CRTC1: variants seen among roughly 807,000 people sequenced by gnomAD.
CRTC1 encodes the protein CREB-regulated transcription coactivator 1.
CRTC1 carries 18 observed loss-of-function variants against 66.1 expected under a neutral mutation model. The observed-to-expected ratio is 0.27, with a 90% CI of 0.19 to 0.40. The LOEUF (loss-of-function observed/expected upper bound fraction) is 0.40, where lower values mean the gene tolerates loss of function less well. Among genes scored for constraint, CRTC1 ranks in the 10% least tolerant of loss-of-function variants. The probability of loss-of-function intolerance (pLI) is 1.00; values close to 1 mark genes in which losing one functional copy is unlikely to be tolerated. For missense variants in CRTC1, 669 were observed against 887.9 expected (o/e 0.75, Z 3.13); for synonymous variants, 416 against 398.8 (o/e 1.04, Z -0.51).
chr19:18,720,492 G>T (rs1211332321), intron 1 of CRTC1, among the ~76,000 whole-genome samples: 1 of 150,318 alleles, frequency 6.7e-6, no homozygotes, highest in African/African-American at 2.5e-5. Flanking sequence ...TGGGACTACA[G>T]TCGCCTGCCA....
At chr19:18,717,483 G>C (rs1200749143) in intron 1 of CRTC1, among the ~76,000 whole-genome samples, 2 of 151,978 alleles carry the variant, frequency 1.3e-5, no homozygotes, top group African/African-American at 4.8e-5. Context: ...CTCTGGAGCT[G>C]ATCACCCCAA....
chr19:18,764,695 A>G (rs1421342736), intron 8 of CRTC1, among the ~76,000 whole-genome samples: 1 of 152,214 alleles, frequency 6.6e-6, no homozygotes. Flanking sequence ...TCTTTAGTTC[A>G]GACAGCCTGA....
In CRTC1 at chr19:18,777,384, C is replaced by G; in HGVS notation, c.*2C>G. The G allele has an allele frequency of 6.2e-7, 1 of 1,600,818 alleles. No homozygotes were observed. The highest frequency in any genetic ancestry group is 8.5e-7 in the Non-Finnish European group (1 of 1,179,478). ...ACCTTCCGGATGGACCGCCTGTGAG[C>G]GGGCACGCCGGCACCCTGCCGCTCA... is the stretch of plus-strand genomic sequence containing the variant. On this transcript the variant is annotated 3_prime_UTR_variant, in exon 14 of 14. Transcript: ENST00000321949. This position sits in a 1 kb window ranked among gnomAD's most constrained non-coding sequence, Gnocchi z 5.5.
At chr19:18,694,439 T>G (rs1039853738) in intron 1 of CRTC1, among the ~76,000 whole-genome samples, 8 of 152,106 alleles carry the variant, frequency 5.3e-5, no homozygotes, top group Non-Finnish European at 1.2e-4. Flanking sequence ...CACAACCATT[T>G]ATTCCTTTTT....
chr19:18,753,012 T>C (rs1352264053), intron 5 of CRTC1, among the ~76,000 whole-genome samples: 11 of 149,674 alleles, frequency 7.3e-5, no homozygotes, highest in Admixed American at 7.3e-4. Context: ...ACACCTGTAA[T>C]CCCAGCACTT....
chr19:18,747,126 G>GAA lies in CRTC1; in HGVS notation c.443+13_443+14insAA. ...ACCAGCTGGAGAAGGTCAGTGGCTG[G>GAA]ACACCCCCCCCCCGCCCCCTTCTTG... On this transcript the variant is annotated intron_variant, in intron 4 of 13. Coordinates refer to ENST00000321949, the MANE Select transcript of CRTC1 (RefSeq NM_015321.3). 6.4e-7 allele frequency: 1 copy of GAA among 1,559,502 alleles called. No homozygotes were observed. The highest frequency in any genetic ancestry group is 8.7e-7 in the Non-Finnish European group (1 of 1,145,696).
intron 1 of CRTC1, among the ~76,000 whole-genome samples, chr19:18,730,655 G>C (rs1208167682): frequency 6.6e-6 from 1 of 151,978 alleles, no homozygotes; most frequent in South Asian, 2.1e-4. Context: ...CCTGCTGCCC[G>C]ACCCGCTGCC....
intron 6 of CRTC1, among the ~76,000 whole-genome samples, chr19:18,754,908 C>T (rs1478491298): frequency 6.6e-6 from 1 of 151,154 alleles, no homozygotes; most frequent in Non-Finnish European, 1.5e-5. Context: ...GCTGTCAGCC[C>T]TTTATATCCA....
chr19:18,706,788 T>C (rs764137069), intron 1 of CRTC1, among the ~76,000 whole-genome samples: 139 of 152,320 alleles, frequency 9.1e-4, no homozygotes, highest in Non-Finnish European at 1.6e-3. Context: ...TTATTGGCCA[T>C]TTGTCTTTGG....
chr19:18,747,033 G>A lies in CRTC1; in HGVS notation c.382-20G>A, dbSNP rs751727200. ...AGGCGGGGTCTCAGCCAGTGGCACT[G>A]CCCCCTTAACTCACCTCACGCCGAC... On this transcript the variant is annotated intron_variant, in intron 3 of 13. Coordinates refer to ENST00000321949, the MANE Select transcript of CRTC1 (RefSeq NM_015321.3). The A allele has an allele frequency of 6.8e-6, 11 of 1,610,682 alleles. No homozygotes were observed. In the Admixed American group the frequency reaches 1.7e-4, roughly 24 times the overall value.
In CRTC1 at chr19:18,735,037, G is replaced by A. The variant is rs533219782; in HGVS notation, c.127-7873G>A. 2.6e-5 allele frequency among the ~76,000 whole-genome samples: 4 copies of A among 152,316 alleles called. No homozygotes were observed. The South Asian group carries it at 6.2e-4, about 24-fold the overall frequency. On this transcript the variant is annotated intron_variant, in intron 1 of 13. Coordinates refer to ENST00000321949, the MANE Select transcript of CRTC1 (RefSeq NM_015321.3). ...GGCAGAAAATCCTCCCCCACAACAC[G>A]CACAGGTGATGGCGACGGGCTTCTG... is the stretch of plus-strand genomic sequence containing the variant.
chr19:18,758,485 A>G (rs1183822263), intron 6 of CRTC1, among the ~76,000 whole-genome samples: 1 of 152,020 alleles, frequency 6.6e-6, no homozygotes, highest in East Asian at 1.9e-4. Flanking sequence ...CACCATGTCC[A>G]TGTCCCGAAA....
At chr19:18,699,703 G>A (rs1039885180) in intron 1 of CRTC1, among the ~76,000 whole-genome samples, 1 of 152,218 alleles carries the variant, frequency 6.6e-6, no homozygotes, top group African/African-American at 2.4e-5. Flanking sequence ...GAGCCAAAGC[G>A]AAGAGCCTGG....
chr19:18,715,751 G>A (rs190891637), intron 1 of CRTC1, among the ~76,000 whole-genome samples: 2 of 152,240 alleles, frequency 1.3e-5, no homozygotes, highest in Non-Finnish European at 2.9e-5. Flanking sequence ...CTGTTTGCAC[G>A]TGCAGGTGGG....
At chr19:18,704,538 C>T (rs1249675564) in intron 1 of CRTC1, among the ~76,000 whole-genome samples, 1 of 152,064 alleles carries the variant, frequency 6.6e-6, no homozygotes, top group African/African-American at 2.4e-5. Context: ...ATGTTGAAAC[C>T]CCGTCTCTAT....
In CRTC1 at chr19:18,745,879, G is replaced by A; in HGVS notation, c.300G>A (p.Leu100=). 2 of 1,613,684 alleles carry A rather than the reference G, an allele frequency of 1.2e-6. No individual in the cohort carries two copies. ...GCCGGACCACCCGGCACCATGGGCTGGTGGACAGGGTGTACCGGGAGCGTG... is the reference window on the plus strand; with the variant it reads ...GCCGGACCACCCGGCACCATGGGCTAGTGGACAGGGTGTACCGGGAGCGTG... ...DTSRTTRHHG[L]VDRVYRERGR... The change falls in exon 3 of 14, where the codon CTG becomes CTA. Residue 100 remains leucine (L), a synonymous_variant. Coordinates refer to ENST00000321949, the MANE Select transcript of CRTC1 (RefSeq NM_015321.3).
intron 1 of CRTC1, among the ~76,000 whole-genome samples, chr19:18,738,048 G>A (rs763837132): frequency 1.3e-5 from 2 of 152,134 alleles, no homozygotes; most frequent in African/African-American, 4.8e-5. Flanking sequence ...AGTGGGGCAC[G>A]GTGGCTCATG....
chr19:18,712,948 A>C (rs1480225406), intron 1 of CRTC1, among the ~76,000 whole-genome samples: 1 of 151,110 alleles, frequency 6.6e-6, no homozygotes, highest in Non-Finnish European at 1.5e-5. Context: ...TGACGGAGCA[A>C]GACTGTCTCA....
At chr19:18,710,960 C>T (rs74253294) in intron 1 of CRTC1, among the ~76,000 whole-genome samples, 15,856 of 152,276 alleles carry the variant, frequency 0.1, 1,045 homozygotes, top group East Asian at 0.26. Flanking sequence ...CTTGGCCAGT[C>T]ACCCCTCTTT....
Sources: gnomAD v4.1 joint callset for allele counts (sites outside exome capture counted in the v4.1 genomes callset) on GRCh38, gnomAD v4.1.1 for gene constraint, Gnocchi (gnomAD v3.1) non-coding constraint, MANE v1.5 for transcripts, NCBI Gene and HGNC (gene_info 2026-07-23, HGNC 2026-07-21) for gene names.